The following SH3GL2 variants were observed in gnomAD, a reference collection of about 807,000 sequenced individuals.
SH3GL2 encodes the protein SH3 domain containing GRB2 like 2, endophilin A1, also known as endophilin-A1.
A neutral mutation model predicts 46.0 loss-of-function variants in SH3GL2; 24 were observed. That is an observed-to-expected ratio of 0.52 (90% CI 0.38 to 0.73). SH3GL2 has a LOEUF of 0.73. Among genes scored for constraint, SH3GL2 ranks in the 30% least tolerant of loss-of-function variants. The pLI is 0.00. For synonymous variants in SH3GL2, 196 were observed against 147.1 expected, an observed-to-expected ratio of 1.33 and a Z score of -2.40; for missense variants, 413 against 424.2, an observed-to-expected ratio of 0.97 and a Z score of 0.23.
chr9:17,652,077 TC>T (rs1479356967), intron 1 of SH3GL2, among the ~76,000 whole-genome samples: 4 of 152,150 alleles, frequency 2.6e-5, no homozygotes, highest in Non-Finnish European at 4.4e-5. Context: ...TCTGCTTACA[TC>T]TTTATTTTCT....
At chr9:17,680,139 C>A (rs1314362169) in intron 1 of SH3GL2, among the ~76,000 whole-genome samples, 1 of 152,082 alleles carries the variant, frequency 6.6e-6, no homozygotes, top group Non-Finnish European at 1.5e-5. Flanking sequence ...TGATGCTGGC[C>A]TCATAAAATG....
chr9:17,775,369 C>T (rs2209429), intron 3 of SH3GL2, among the ~76,000 whole-genome samples: 124,861 of 152,088 alleles, frequency 0.82, 51,519 homozygotes, highest in East Asian at 0.9. Context: ...AGTGGGAAAA[C>T]AGAGAAAAAA....
At chr9:17,679,256 A>G (rs1252621244) in intron 1 of SH3GL2, among the ~76,000 whole-genome samples, 4 of 152,276 alleles carry the variant, frequency 2.6e-5, no homozygotes, top group South Asian at 2.1e-4. Context: ...GATTCTTCCT[A>G]TCCATGAGCA....
intron 3 of SH3GL2, among the ~76,000 whole-genome samples, chr9:17,763,548 G>C (rs183654383): frequency 6.6e-6 from 1 of 152,138 alleles, no homozygotes; most frequent in Non-Finnish European, 1.5e-5. Context: ...ACCACCACAA[G>C]CTGGAAGACA....
rs1886588 is a variant in SH3GL2, at chr9:17,751,978, A to G, written c.114+4844A>G. Among the ~76,000 whole-genome samples, 147 of 152,324 alleles carry G rather than the reference A, an allele frequency of 9.7e-4. 1 individual carries two copies. In the South Asian group the frequency reaches 0.029, roughly 30 times the overall value. The stretch of plus-strand genomic sequence containing the variant: ...CCTCTGAGTTACATGTTTGCAATAT[A>G]TAGTTCCAAGCTTATATTCATTAAA... On this transcript the variant is annotated intron_variant, in intron 2 of 8. Transcript: ENST00000380607.
intron 1 of SH3GL2, among the ~76,000 whole-genome samples, chr9:17,745,743 C>G (rs1242510903): frequency 6.6e-6 from 1 of 152,186 alleles, no homozygotes; most frequent in East Asian, 1.9e-4. Context: ...AGCAGGGTAT[C>G]CAGGGGCCCT....
intron 3 of SH3GL2, among the ~76,000 whole-genome samples, chr9:17,774,536 A>G (rs973477535): frequency 2.7e-5 from 4 of 147,958 alleles, no homozygotes; most frequent in Admixed American, 2.1e-4. Context: ...ATCAATTGAG[A>G]TGATCGTGTG....
intron 1 of SH3GL2, among the ~76,000 whole-genome samples, chr9:17,636,063 C>T (rs755592941): frequency 6.6e-6 from 1 of 152,132 alleles, no homozygotes; most frequent in South Asian, 2.1e-4. Flanking sequence ...TATCTGCTTG[C>T]CATGCTTTTT....
At chr9:17,619,968 TGTA>T (rs1017135890) in intron 1 of SH3GL2, among the ~76,000 whole-genome samples, 51 of 152,336 alleles carry the variant, frequency 3.3e-4, no homozygotes, top group African/African-American at 1.2e-3. Context: ...GATTCTGTGA[TGTA>T]GTATCTTGAA....
chr9:17,758,464 G>C (rs1255245496), intron 2 of SH3GL2, among the ~76,000 whole-genome samples: 1 of 149,136 alleles, frequency 6.7e-6, no homozygotes, highest in Non-Finnish European at 1.5e-5. Context: ...TGGGAAGCTG[G>C]GGAGGGAGAA....
chr9:17,741,871 G>T (rs948479551), intron 1 of SH3GL2, among the ~76,000 whole-genome samples: 1 of 152,070 alleles, frequency 6.6e-6, no homozygotes, highest in Non-Finnish European at 1.5e-5. Flanking sequence ...GAGGAAGTCT[G>T]ATAACTTCCA....
chr9:17,645,151 CTTTTTTTTTTTTTTTTTTTTT>C (rs57611978), intron 1 of SH3GL2, among the ~76,000 whole-genome samples: 1 of 68,780 alleles, frequency 1.5e-5, no homozygotes, highest in African/African-American at 6.5e-5. Context: ...GCAAACGCTG[CTTTTTTTTTTTTTTTTTTTTT>C]TTTTTTTTTT....
chr9:17,733,864 G>T (rs562742505), intron 1 of SH3GL2, among the ~76,000 whole-genome samples: 15 of 138,600 alleles, frequency 1.1e-4, no homozygotes, highest in African/African-American at 2.9e-4. Flanking sequence ...GTAAACTATC[G>T]CAAGAACAAA....
intron 1 of SH3GL2, among the ~76,000 whole-genome samples, chr9:17,744,072 A>T (rs1822611842): frequency 6.6e-6 from 1 of 152,202 alleles, no homozygotes; most frequent in African/African-American, 2.4e-5. Context: ...TAGAATGGAG[A>T]CAACAATTGA....
At chr9:17,745,828 C>T (rs1822666374) in intron 1 of SH3GL2, among the ~76,000 whole-genome samples, 1 of 152,122 alleles carries the variant, frequency 6.6e-6, no homozygotes, top group Non-Finnish European at 1.5e-5. Flanking sequence ...TAAAGACCCT[C>T]AACCTAGCTG....
At chr9:17,604,513 G>C (rs1439732628) in intron 1 of SH3GL2, among the ~76,000 whole-genome samples, 1 of 152,224 alleles carries the variant, frequency 6.6e-6, no homozygotes, top group Non-Finnish European at 1.5e-5. Flanking sequence ...TTTAGGGACA[G>C]AGGTTTGGGA....
At chr9:17,606,591 G>C (rs1316025963) in intron 1 of SH3GL2, among the ~76,000 whole-genome samples, 1 of 152,194 alleles carries the variant, frequency 6.6e-6, no homozygotes, top group Non-Finnish European at 1.5e-5. Flanking sequence ...CATCATGAGA[G>C]ATCTGATATA....
At chr9:17,605,254 C>T (rs1373443094) in intron 1 of SH3GL2, among the ~76,000 whole-genome samples, 2 of 152,112 alleles carry the variant, frequency 1.3e-5, no homozygotes, top group Non-Finnish European at 1.5e-5. Context: ...ACTGGCATTA[C>T]AGACAAGAGC....
At chr9:17,635,278 G>A (rs1028803802) in intron 1 of SH3GL2, among the ~76,000 whole-genome samples, 1 of 152,126 alleles carries the variant, frequency 6.6e-6, no homozygotes. Context: ...AAGGATAATG[G>A]TCTCTAGCTT....
Sources: allele counts gnomAD v4.1 joint callset (sites outside exome capture counted in the v4.1 genomes callset), GRCh38; gene constraint gnomAD v4.1.1; transcripts MANE v1.5; gene names NCBI Gene and HGNC (gene_info 2026-07-23, HGNC 2026-07-21).